Variants in NRG1 observed in about 807,000 individuals in gnomAD.
NRG1 encodes the protein neuregulin 1.
A neutral mutation model predicts 63.8 loss-of-function variants in NRG1; 18 were observed. That is an observed-to-expected ratio of 0.28 (90% CI 0.19 to 0.42). NRG1 has a LOEUF of 0.42. Among genes scored for constraint, NRG1 ranks in the 10% least tolerant of loss-of-function variants. The pLI is 1.00. For synonymous variants in NRG1, 302 were observed against 301.3 expected (o/e 1.00, Z -0.02); for missense variants, 762 against 814.7 (o/e 0.94, Z 0.79).
At chr8:32,412,341 A>T (rs1385358370) in intron 1 of NRG1, among the ~76,000 whole-genome samples, 1 of 146,084 alleles carries the variant, frequency 6.8e-6, no homozygotes, top group Non-Finnish European at 1.5e-5. Context: ...AGATCTTATG[A>T]CTTTCCAGTC....
At chr8:32,658,836 A>G (rs1278385269) in intron 5 of NRG1, among the ~76,000 whole-genome samples, 1 of 152,226 alleles carries the variant, frequency 6.6e-6, no homozygotes, top group Non-Finnish European at 1.5e-5. Flanking sequence ...TTTGTATTAA[A>G]CATTTATATA....
chr8:32,763,439 C>A, intron 11 of NRG1: 1 of 1,434,988 alleles, frequency 7.0e-7, no homozygotes, highest in Non-Finnish European at 9.5e-7. Context: ...GTTTCCAGGA[C>A]CTAATGCCTT....
intron 1 of NRG1, among the ~76,000 whole-genome samples, chr8:31,988,693 C>T (rs891026585): frequency 2.0e-5 from 3 of 152,010 alleles, no homozygotes; most frequent in Admixed American, 6.6e-5. Flanking sequence ...AAGTTGATAT[C>T]GACTAGATAT....
intron 1 of NRG1, among the ~76,000 whole-genome samples, chr8:32,020,752 A>T (rs1816298498): frequency 6.6e-6 from 1 of 152,230 alleles, no homozygotes; most frequent in Non-Finnish European, 1.5e-5. Flanking sequence ...TGCATTTCAG[A>T]ATACCTTTGT....
chr8:32,651,429 G>A lies in NRG1; in HGVS notation c.502+34544G>A, dbSNP rs190883361. Among the ~76,000 whole-genome samples the A allele has an allele frequency of 4.6e-5, 7 of 152,050 alleles. No homozygotes were observed. In the East Asian group the frequency reaches 1.2e-3, roughly 25 times the overall value. On this transcript the variant is annotated intron_variant, in intron 5 of 11. Transcript: ENST00000356819. ...CACATAATACTTGCACTATTCATTTGTTTTGTCTGGGCTTTAAAATTTTTC... is the reference window on the plus strand; with the variant it reads ...CACATAATACTTGCACTATTCATTTATTTTGTCTGGGCTTTAAAATTTTTC...
intron 1 of NRG1, among the ~76,000 whole-genome samples, chr8:31,657,709 T>A (rs914633759): frequency 6.6e-6 from 1 of 152,216 alleles, no homozygotes. Context: ...GCTGAACATG[T>A]TTACATATCT....
intron 5 of NRG1, among the ~76,000 whole-genome samples, chr8:32,628,533 C>T (rs369861227): frequency 1.3e-4 from 19 of 151,532 alleles, no homozygotes; most frequent in African/African-American, 3.2e-4. Flanking sequence ...GTATGTGAAA[C>T]GAAGATAAGG....
At chr8:32,373,844 TA>T (rs1222082307) in intron 1 of NRG1, among the ~76,000 whole-genome samples, 2 of 152,056 alleles carry the variant, frequency 1.3e-5, no homozygotes, top group African/African-American at 4.8e-5. Flanking sequence ...AAGTATATTT[TA>T]AAAAAAACTT....
intron 1 of NRG1, among the ~76,000 whole-genome samples, chr8:32,285,799 C>T (rs771890858): frequency 3.9e-5 from 6 of 152,098 alleles, no homozygotes; most frequent in African/African-American, 4.8e-5. Flanking sequence ...TGGATTCTTG[C>T]TATGGTTGTA....
intron 1 of NRG1, among the ~76,000 whole-genome samples, chr8:32,331,109 CATAA>C (rs769777489): frequency 1.3e-5 from 2 of 151,994 alleles, no homozygotes; most frequent in East Asian, 1.9e-4. Context: ...AAAAGAAATC[CATAA>C]ATAGAGTCGT....
chr8:31,799,324 T>C (rs978873374), intron 1 of NRG1, among the ~76,000 whole-genome samples: 15 of 152,134 alleles, frequency 9.9e-5, no homozygotes, highest in African/African-American at 3.6e-4. Context: ...TAATGATCAG[T>C]TTTAGGCGAT....
intron 1 of NRG1, among the ~76,000 whole-genome samples, chr8:31,773,370 A>G (rs1295354156): frequency 6.6e-6 from 1 of 152,152 alleles, no homozygotes; most frequent in African/African-American, 2.4e-5. Flanking sequence ...GTATTCCTCA[A>G]ACTGGATTTC....
chr8:31,802,756 A>G (rs1821910810), intron 1 of NRG1, among the ~76,000 whole-genome samples: 1 of 152,204 alleles, frequency 6.6e-6, no homozygotes, highest in South Asian at 2.1e-4. Flanking sequence ...TCTTGGAAAA[A>G]TAGCATTTGA....
Position 32,479,937 on chromosome 8 carries a change from C to T in NRG1, c.38-115891C>T, listed in dbSNP as rs546136537. Among the ~76,000 whole-genome samples, 87 of 152,236 alleles carry T rather than the reference C, an allele frequency of 5.7e-4. 1 individual carries two copies. The South Asian group carries it at 0.015, about 26-fold the overall frequency. The stretch of plus-strand genomic sequence containing the variant: ...CGCTGGGATTACAGGTGTGAGCCAC[C>T]ACGCCCAGCCCATTCTTGTTTCTTG... On this transcript the variant is annotated intron_variant, in intron 1 of 10. Coordinates refer to the NRG1 transcript ENST00000519301.
chr8:31,928,844 A>AT (rs1585839587), intron 1 of NRG1, among the ~76,000 whole-genome samples: 1 of 152,178 alleles, frequency 6.6e-6, no homozygotes, highest in African/African-American at 2.4e-5. Context: ...CCAGGGTGGT[A>AT]TAACGGACAT....
intron 1 of NRG1, among the ~76,000 whole-genome samples, chr8:31,801,424 AT>A (rs1211916998): frequency 3.3e-5 from 5 of 152,234 alleles, no homozygotes; most frequent in Non-Finnish European, 1.5e-5. Flanking sequence ...CATAATAATT[AT>A]TGAGTCATTT....
chr8:32,487,608 T>G (rs1209442585), intron 1 of NRG1, among the ~76,000 whole-genome samples: 5 of 152,150 alleles, frequency 3.3e-5, no homozygotes, highest in Admixed American at 1.3e-4. Context: ...ATGTGCAACA[T>G]TTTACTCTTG....
At chr8:31,698,373 G>A (rs1356273540) in intron 1 of NRG1, among the ~76,000 whole-genome samples, 1 of 152,118 alleles carries the variant, frequency 6.6e-6, no homozygotes, top group Non-Finnish European at 1.5e-5. Context: ...GGGGAAGGGT[G>A]TGTTTTTAGC....
At position 32,540,347 on chromosome 8, in the gene NRG1, C is replaced by A. The variant is rs554640389; in HGVS notation, c.38-55481C>A. ...CATAATAAATATATCTGATAAGAAT[C>A]CTAGTATGTTGCTGACTCTCAGCAC... On this transcript the variant is annotated intron_variant, in intron 1 of 10. Coordinates refer to the NRG1 transcript ENST00000519301. 7.8e-4 allele frequency among the ~76,000 whole-genome samples: 118 copies of A among 152,222 alleles called. 1 individual carries two copies. Among genetic ancestry groups the A allele is most frequent in the African/African-American group, 2.8e-3 (115 of 41,518 alleles).
Sources: allele counts gnomAD v4.1 joint callset (sites outside exome capture counted in the v4.1 genomes callset), GRCh38; gene constraint gnomAD v4.1.1; transcripts MANE v1.5; gene names NCBI Gene and HGNC (gene_info 2026-07-23, HGNC 2026-07-21).